Variants in CALN1 observed in about 807,000 individuals in gnomAD.
CALN1 encodes calneuron 1.
Under a neutral mutation model 30.6 loss-of-function variants are expected in CALN1, and 17 were observed. The ratio of observed to expected loss-of-function variants is 0.56; its 90% CI spans 0.38 to 0.83. The LOEUF (loss-of-function observed/expected upper bound fraction) is 0.83. Among genes scored for constraint, CALN1 ranks in the 40% least tolerant of loss-of-function variants. The pLI, the probability that CALN1 is intolerant of heterozygous loss-of-function variation, is 0.00. For synonymous variants in CALN1, 156 were observed against 131.4 expected, an observed-to-expected ratio of 1.19 and a Z score of -1.28; for missense variants, 291 against 354.9, an observed-to-expected ratio of 0.82 and a Z score of 1.45.
rs114202027 is a variant in CALN1, at chr7:72,361,880, T to A, written c.119+41371A>T. On this transcript the variant is annotated intron_variant, in intron 2 of 6. Transcript: ENST00000395275. The stretch of plus-strand genomic sequence containing the variant: ...ACGTAAAGTTATAAATTAGTGGACA[T>A]TATACATGTAATATCCATTACAAAT... Among the ~76,000 whole-genome samples, 773 of 152,272 alleles carry A rather than the reference T, an allele frequency of 5.1e-3. 7 individuals carry two copies. Among genetic ancestry groups the A allele is most frequent in the African/African-American group, 0.017 (717 of 41,540 alleles).
At chr7:71,885,804 C>G (rs1229149927) in intron 5 of CALN1, among the ~76,000 whole-genome samples, 2 of 152,242 alleles carry the variant, frequency 1.3e-5, no homozygotes, top group African/African-American at 2.4e-5. Flanking sequence ...ATCCCCAGCT[C>G]TCTCTTCCTG....
chr7:72,417,322 C>G (rs1223969513), upstream of CALN1, among the ~76,000 whole-genome samples: 2 of 152,208 alleles, frequency 1.3e-5, no homozygotes, highest in African/African-American at 4.8e-5. Flanking sequence ...ACCTTTCCAT[C>G]CCAAATGACA....
intron 4 of CALN1, among the ~76,000 whole-genome samples, chr7:72,044,417 G>T (rs1802330736): frequency 6.6e-6 from 1 of 151,968 alleles, no homozygotes; most frequent in South Asian, 2.1e-4. Flanking sequence ...AGATACAAAG[G>T]GGGACTTTAT....
chr7:72,181,503 G>GAC (rs1320187916), intron 3 of CALN1, among the ~76,000 whole-genome samples: 1 of 117,964 alleles, frequency 8.5e-6, no homozygotes. Context: ...TTTTTTTTGA[G>GAC]AGTCTTGCTC....
the CALN1 span, among the ~76,000 whole-genome samples, chr7:72,480,539 TC>T: frequency 6.6e-6 from 1 of 152,192 alleles, no homozygotes; most frequent in Non-Finnish European, 1.5e-5. Flanking sequence ...CTTTCCATTT[TC>T]TAGGAGCGTT....
At chr7:72,212,342 A>G (rs1400553631) in intron 3 of CALN1, among the ~76,000 whole-genome samples, 1 of 102,804 alleles carries the variant, frequency 9.7e-6, no homozygotes, top group African/African-American at 4.1e-5. Flanking sequence ...AGAGCAACAC[A>G]CCGTCTCAAA....
chr7:72,066,667 C>G (rs1256237113), intron 4 of CALN1, among the ~76,000 whole-genome samples: 1 of 152,104 alleles, frequency 6.6e-6, no homozygotes, highest in Non-Finnish European at 1.5e-5. Context: ...GGCTGGAGTA[C>G]AGTGGCGCCA....
chr7:71,984,076 C>G (rs1427272270), intron 5 of CALN1, among the ~76,000 whole-genome samples: 2 of 151,958 alleles, frequency 1.3e-5, no homozygotes, highest in East Asian at 1.9e-4. Context: ...AATAATTAAT[C>G]AAAAGAATAC....
intron 3 of CALN1, among the ~76,000 whole-genome samples, chr7:72,222,357 A>T (rs184709768): frequency 6.6e-6 from 1 of 152,212 alleles, no homozygotes; most frequent in Admixed American, 6.5e-5. Flanking sequence ...GAAACTTGCA[A>T]TCATGGCAGA....
chr7:71,933,031 C>T (rs1156248729), intron 5 of CALN1, among the ~76,000 whole-genome samples: 2 of 151,910 alleles, frequency 1.3e-5, no homozygotes, highest in Non-Finnish European at 2.9e-5. Context: ...CGAAAAGCAG[C>T]CCCCAAATCA....
chr7:71,983,944 AAATT>A (rs1798533306), intron 5 of CALN1, among the ~76,000 whole-genome samples: 1 of 152,246 alleles, frequency 6.6e-6, no homozygotes, highest in African/African-American at 2.4e-5. Flanking sequence ...AGACATTAAT[AAATT>A]ATGATCGAAA....
intron 2 of CALN1, among the ~76,000 whole-genome samples, chr7:72,348,009 T>C (rs968530353): frequency 2.0e-5 from 3 of 152,070 alleles, no homozygotes; most frequent in Non-Finnish European, 2.9e-5. Flanking sequence ...CAGGTGCCCA[T>C]AATCCCAGCT....
intron 5 of CALN1, among the ~76,000 whole-genome samples, chr7:71,864,629 C>G (rs1791483513): frequency 6.6e-6 from 1 of 152,174 alleles, no homozygotes; most frequent in Admixed American, 6.6e-5. Flanking sequence ...AGCCTCCTGA[C>G]CCACGGAGAC....
At chr7:71,913,363 A>G (rs1429607662) in intron 5 of CALN1, among the ~76,000 whole-genome samples, 2 of 152,122 alleles carry the variant, frequency 1.3e-5, no homozygotes, top group African/African-American at 4.8e-5. Flanking sequence ...AACCTCCTTT[A>G]GTGGCAAATT....
At chr7:71,915,644 G>A (rs1329874349) in intron 5 of CALN1, among the ~76,000 whole-genome samples, 1 of 152,186 alleles carries the variant, frequency 6.6e-6, no homozygotes, top group Admixed American at 6.5e-5. Flanking sequence ...TGAGGCAGGA[G>A]AATCACTTGA....
intron 3 of CALN1, among the ~76,000 whole-genome samples, chr7:72,157,449 C>A (rs1787777892): frequency 2.0e-5 from 3 of 152,034 alleles, no homozygotes; most frequent in Admixed American, 2.0e-4. Flanking sequence ...GGGCTTCCAA[C>A]AATGCCTAGT....
At chr7:71,873,301 C>T (rs1041474933) in intron 5 of CALN1, among the ~76,000 whole-genome samples, 2 of 152,122 alleles carry the variant, frequency 1.3e-5, no homozygotes, top group Non-Finnish European at 2.9e-5. Flanking sequence ...AGCCACCACG[C>T]CCAGCCGAAA....
intron 3 of CALN1, among the ~76,000 whole-genome samples, chr7:72,180,452 C>A (rs922289681): frequency 3.3e-5 from 5 of 151,322 alleles, no homozygotes; most frequent in Non-Finnish European, 7.4e-5. Flanking sequence ...TTCTTGGTGG[C>A]AAACTGGTGA....
chr7:72,365,635 T>C (rs1436773415), intron 2 of CALN1, among the ~76,000 whole-genome samples: 1 of 152,120 alleles, frequency 6.6e-6, no homozygotes, highest in Non-Finnish European at 1.5e-5. Flanking sequence ...TCTTGCTATG[T>C]TGCCCAGGCT....
Sources: allele counts gnomAD v4.1 joint callset (sites outside exome capture counted in the v4.1 genomes callset), GRCh38; gene constraint gnomAD v4.1.1; transcripts MANE v1.5; gene names NCBI Gene and HGNC (gene_info 2026-07-23, HGNC 2026-07-21).